Variants in RGS8 observed in about 807,000 individuals in gnomAD.
RGS8 encodes the protein regulator of G-protein signaling 8.
RGS8 carries 8 observed loss-of-function variants against 21.7 expected under a neutral mutation model. The observed-to-expected ratio is 0.37, with a 90% confidence interval of 0.22 to 0.66. The LOEUF (loss-of-function observed/expected upper bound fraction) is 0.66. RGS8 is among the 30% of genes least tolerant of loss of function. The pLI is 0.59. For synonymous variants in RGS8, 80 were observed against 83.6 expected (o/e 0.96, Z 0.24); for missense variants, 157 against 217.9 (o/e 0.72, Z 1.76).
chr1:182,687,201 T>C (rs938293968), upstream of RGS8, among the ~76,000 whole-genome samples: 1 of 152,128 alleles, frequency 6.6e-6, no homozygotes, highest in Admixed American at 6.6e-5. Flanking sequence ...ACGCATTTAT[T>C]TCTTTTTCTG....
At chr1:182,724,746 C>T in the RGS8 span, among the ~76,000 whole-genome samples, 2 of 151,990 alleles carry the variant, frequency 1.3e-5, no homozygotes, top group Non-Finnish European at 2.9e-5. Flanking sequence ...TTAGAAGAGA[C>T]GGGGTTTCAC....
At chr1:182,655,518 G>A (rs1352166579) in intron 5 of RGS8, among the ~76,000 whole-genome samples, 3 of 152,202 alleles carry the variant, frequency 2.0e-5, no homozygotes, top group Non-Finnish European at 4.4e-5. Context: ...GAGATGTGTG[G>A]TGAACTCATA....
At chr1:182,672,725 A>C (rs1664223385), upstream of RGS8, 7 of 1,458,888 alleles carry the variant, frequency 4.8e-6, no homozygotes. Flanking sequence ...TGCATTTGTT[A>C]TGGAGTGAGA....
At chr1:182,683,799 G>A (rs879824830) in intron 1 of RGS8, among the ~76,000 whole-genome samples, 2 of 152,204 alleles carry the variant, frequency 1.3e-5, no homozygotes, top group Non-Finnish European at 2.9e-5. Context: ...GTGATTGTGA[G>A]TTCTTCTGCA....
chr1:182,736,330 A>C, the RGS8 span, among the ~76,000 whole-genome samples: 1 of 152,242 alleles, frequency 6.6e-6, no homozygotes, highest in African/African-American at 2.4e-5. Flanking sequence ...TAGCATTCAC[A>C]AATACTAGTT....
chr1:182,705,110 T>C, the RGS8 span, among the ~76,000 whole-genome samples: 88 of 152,278 alleles, frequency 5.8e-4, 1 homozygote, highest in Admixed American at 1.6e-3. Flanking sequence ...ACCATACATA[T>C]AGATATATAA....
intron 2 of RGS8, among the ~76,000 whole-genome samples, chr1:182,670,161 C>T (rs1664086034): frequency 1.3e-5 from 2 of 152,174 alleles, no homozygotes; most frequent in African/African-American, 4.8e-5. Context: ...CTGATTCTCG[C>T]CTCCCTCCAA....
the RGS8 span, among the ~76,000 whole-genome samples, chr1:182,713,125 T>C: frequency 6.6e-6 from 1 of 152,190 alleles, no homozygotes; most frequent in East Asian, 1.9e-4. Flanking sequence ...AAGATACATA[T>C]AATTTTAAAA....
chr1:182,743,885 G>C, the RGS8 span, among the ~76,000 whole-genome samples: 1 of 152,054 alleles, frequency 6.6e-6, no homozygotes, highest in African/African-American at 2.4e-5. Flanking sequence ...CAAGACACAT[G>C]TGCATATATG....
the RGS8 span, among the ~76,000 whole-genome samples, chr1:182,696,165 C>T: frequency 6.6e-6 from 1 of 152,186 alleles, no homozygotes; most frequent in African/African-American, 2.4e-5. Flanking sequence ...CTCTATCCCT[C>T]TGTAAGAACC....
chr1:182,752,127 T>A, the RGS8 span, among the ~76,000 whole-genome samples: 3 of 152,134 alleles, frequency 2.0e-5, no homozygotes, highest in African/African-American at 7.2e-5. Context: ...GCCAGAGAGA[T>A]CCCAAGCCAC....
the RGS8 span, among the ~76,000 whole-genome samples, chr1:182,721,773 A>C: frequency 6.6e-6 from 1 of 152,222 alleles, no homozygotes; most frequent in African/African-American, 2.4e-5. Flanking sequence ...ATATCATGAC[A>C]TGAAAATGAG....
chr1:182,718,399 G>A, the RGS8 span, among the ~76,000 whole-genome samples: 2 of 152,184 alleles, frequency 1.3e-5, no homozygotes, highest in Non-Finnish European at 2.9e-5. Context: ...TGTCAAATTT[G>A]GACGGCACCA....
At chr1:182,687,569 TG>T (rs1195488737), upstream of RGS8, among the ~76,000 whole-genome samples, 1 of 152,130 alleles carries the variant, frequency 6.6e-6, no homozygotes, top group Non-Finnish European at 1.5e-5. Context: ...CCAAACAGGT[TG>T]GGGAGGTTTG....
the RGS8 span, among the ~76,000 whole-genome samples, chr1:182,729,864 GA>G: frequency 1.3e-5 from 2 of 152,122 alleles, no homozygotes; most frequent in African/African-American, 4.8e-5. Context: ...ATATTCCTCA[GA>G]AGAAAGAACG....
At chr1:182,696,904 C>T in the RGS8 span, among the ~76,000 whole-genome samples, 1 of 152,180 alleles carries the variant, frequency 6.6e-6, no homozygotes. Flanking sequence ...AATGCTCTCA[C>T]TCATGTGCCT....
the RGS8 span, among the ~76,000 whole-genome samples, chr1:182,695,021 T>C: frequency 4.7e-4 from 71 of 152,280 alleles, no homozygotes; most frequent in African/African-American, 1.4e-3. Context: ...TGTTTTTTTC[T>C]CTCATTTTTC....
At chr1:182,696,962 A>G in the RGS8 span, among the ~76,000 whole-genome samples, 1 of 152,168 alleles carries the variant, frequency 6.6e-6, no homozygotes, top group Non-Finnish European at 1.5e-5. Context: ...GCTGGGCCAC[A>G]TGTTTCTTAT....
chr1:182,705,481 A>G, the RGS8 span, among the ~76,000 whole-genome samples: 1 of 152,238 alleles, frequency 6.6e-6, no homozygotes, highest in Non-Finnish European at 1.5e-5. Context: ...GTTACCAGCT[A>G]TCTGGGCATC....
Sources: gnomAD v4.1 joint callset for allele counts (sites outside exome capture counted in the v4.1 genomes callset) on GRCh38, gnomAD v4.1.1 for gene constraint, MANE v1.5 for transcripts, NCBI Gene and HGNC (gene_info 2026-07-23, HGNC 2026-07-21) for gene names.